CYP20A1: variants seen among roughly 807,000 people sequenced by gnomAD.
CYP20A1 encodes the protein cytochrome P450 family 20 subfamily A member 1, also known as cytochrome P450 20A1.
CYP20A1 carries 61 observed loss-of-function variants against 61.4 expected under a neutral mutation model. The ratio of observed to expected loss-of-function variants is 0.99; its 90% CI spans 0.81 to 1.23. The LOEUF is 1.23. Ranked by LOEUF, CYP20A1 falls within the 50% of genes most tolerant of loss-of-function variation. CYP20A1 has a pLI of 0.00. For synonymous variants in CYP20A1, 193 were observed against 188.2 expected, an observed-to-expected ratio of 1.03 and a Z score of -0.21; for missense variants, 530 against 542.4, an observed-to-expected ratio of 0.98 and a Z score of 0.23.
intron 6 of CYP20A1, among the ~76,000 whole-genome samples, chr2:203,276,181 T>G (rs1415495176): frequency 6.6e-6 from 1 of 152,130 alleles, no homozygotes; most frequent in Non-Finnish European, 1.5e-5. Flanking sequence ...CTGCTGTATT[T>G]GAAGTACAAC....
intron 4 of CYP20A1, among the ~76,000 whole-genome samples, chr2:203,258,005 G>GCTCAAGTACAGTGGCACAATT (rs1455916330): frequency 6.6e-6 from 1 of 151,752 alleles, no homozygotes; most frequent in African/African-American, 2.4e-5. Context: ...GGGCTGAAGG[G>GCTCAAGTACAGTGGCACAATT]ATCCTCCTGC....
At chr2:203,239,370 C>T (rs1026433880) in intron 1 of CYP20A1, among the ~76,000 whole-genome samples, 1 of 151,996 alleles carries the variant, frequency 6.6e-6, no homozygotes, top group Non-Finnish European at 1.5e-5. Context: ...GCCAGGCGGG[C>T]GTAGAGCTGC....
rs13388336 is a variant in CYP20A1 at position 203,272,762 on chromosome 2, C to T, written c.679+14C>T. The T allele has an allele frequency of 4.5e-6, 7 of 1,539,806 alleles. No homozygotes were observed. The highest frequency in any genetic ancestry group is 1.4e-5 in the African/African-American group (1 of 71,914). On this transcript the variant is annotated intron_variant, in intron 6 of 12. Coordinates refer to ENST00000356079, the MANE Select transcript of CYP20A1 (RefSeq NM_177538.3). ...AATATGAAGATGGTAAGTTTGGTCA[C>T]TTAATTTTTAGTGAGGACAAAAAAT... is the stretch of plus-strand genomic sequence containing the variant.
rs919517911 is a variant in CYP20A1, at chr2:203,305,931, G to T, written c.*9023G>T. ...CTCCATTAATAGAAGTGTTTAAGAG[G>T]ATGTTGTATGCCTGCCTTCCACTCA... is the stretch of plus-strand genomic sequence containing the variant. On this transcript the variant is annotated 3_prime_UTR_variant, in exon 13 of 13. Coordinates refer to ENST00000356079, the MANE Select transcript of CYP20A1 (RefSeq NM_177538.3). 6.6e-5 allele frequency among the ~76,000 whole-genome samples: 10 copies of T among 152,142 alleles called. No individual in the cohort carries two copies. The highest frequency in any genetic ancestry group is 5.2e-4 in the Admixed American group (8 of 15,260).
At position 203,280,657 on chromosome 2, in the gene CYP20A1, C is replaced by T. The variant is rs574025003; in HGVS notation, c.850+544C>T. ...TTGAAGCTGCAGTGAGTGATGGTCACACTATTGCATTCCAGCCTGGGCAAC... is the reference window on the plus strand; with the variant it reads ...TTGAAGCTGCAGTGAGTGATGGTCATACTATTGCATTCCAGCCTGGGCAAC... On this transcript the variant is annotated intron_variant, in intron 8 of 12. Coordinates refer to ENST00000356079, the MANE Select transcript of CYP20A1 (RefSeq NM_177538.3). Among the ~76,000 whole-genome samples, 7 of 152,342 alleles carry T rather than the reference C, an allele frequency of 4.6e-5. No individual in the cohort carries two copies. In the East Asian group the frequency reaches 1.2e-3, roughly 25 times the overall value.
At chr2:203,251,793 G>GTGTATATATATATATATATATATGTATA (rs1553513992) in intron 3 of CYP20A1, among the ~76,000 whole-genome samples, 174 bp from the exon 4 acceptor site, 23 of 64,206 alleles carry the variant, frequency 3.6e-4, no homozygotes, top group African/African-American at 8.6e-4. Flanking sequence ...ATATATATGT[G>GTGTATATATATATATATATATATGTATA]TATATATATA....
At chr2:203,290,137 C>T (rs2068474493) in intron 10 of CYP20A1, among the ~76,000 whole-genome samples, 3 of 152,068 alleles carry the variant, frequency 2.0e-5, no homozygotes, top group Admixed American at 2.0e-4. Flanking sequence ...GACGGGGTTT[C>T]ACCATCTTGG....
intron 11 of CYP20A1, among the ~76,000 whole-genome samples, chr2:203,295,452 CAT>C (rs1229811831): frequency 6.6e-6 from 1 of 152,076 alleles, no homozygotes; most frequent in Admixed American, 6.6e-5. Flanking sequence ...AATTTTAAGA[CAT>C]AAATTTCAGT....
intron 5 of CYP20A1, 100 bp downstream of exon 5, chr2:203,266,781 G>A: frequency 2.1e-6 from 2 of 955,086 alleles, no homozygotes; most frequent in East Asian, 2.5e-5. Context: ...AGGAGTTAAA[G>A]ACCAGCCTGC....
intron 5 of CYP20A1, among the ~76,000 whole-genome samples, chr2:203,269,279 AT>A (rs528970568): frequency 1.5e-3 from 189 of 125,280 alleles, no homozygotes; most frequent in Admixed American, 2.1e-3. Flanking sequence ...CCTGTCTCCA[AT>A]TTTTTTTTTT....
intron 9 of CYP20A1, among the ~76,000 whole-genome samples, chr2:203,289,373 T>C (rs1041535285): frequency 3.3e-5 from 5 of 152,146 alleles, no homozygotes; most frequent in Non-Finnish European, 7.4e-5. Flanking sequence ...GTAAACAAAA[T>C]GTTTCTCTAG....
intron 4 of CYP20A1, among the ~76,000 whole-genome samples, chr2:203,260,469 G>A (rs191989120): frequency 1.3e-4 from 19 of 151,994 alleles, no homozygotes; most frequent in Non-Finnish European, 1.5e-4. Context: ...TGATCCATCC[G>A]CTTCGGCCTC....
At position 203,298,563 on chromosome 2, in the gene CYP20A1, T is replaced by G. The variant is rs1284570373; in HGVS notation, c.*1655T>G. 1.4e-5 allele frequency among the ~76,000 whole-genome samples: 2 copies of G among 145,342 alleles called. No homozygotes were observed. Among genetic ancestry groups the G allele is most frequent in the Non-Finnish European group, 3.0e-5 (2 of 66,862 alleles). On this transcript the variant is annotated 3_prime_UTR_variant, in exon 13 of 13. Transcript: ENST00000356079. Reference sequence around the variant, plus strand: ...AAAAAAAAAAAAAATTAGCCAGATGTGGTGGTGCACATTTGTAATCCCAGC... The same window carrying G: ...AAAAAAAAAAAAAATTAGCCAGATGGGGTGGTGCACATTTGTAATCCCAGC...
At chr2:203,291,924 C>T (rs1222414410) in intron 10 of CYP20A1, among the ~76,000 whole-genome samples, 2 of 151,968 alleles carry the variant, frequency 1.3e-5, no homozygotes, top group East Asian at 1.9e-4. Context: ...TGAGAACATG[C>T]GGTGTTTGGT....
chr2:203,293,508 C>CTT (rs11408049), intron 11 of CYP20A1, among the ~76,000 whole-genome samples: 272 of 140,776 alleles, frequency 1.9e-3, no homozygotes, highest in Middle Eastern at 7.0e-3. Flanking sequence ...CGCCCGGCCT[C>CTT]TTTTTTTTTT....
intron 5 of CYP20A1, among the ~76,000 whole-genome samples, chr2:203,269,395 G>A (rs574743445): frequency 4.0e-5 from 6 of 149,202 alleles, no homozygotes; most frequent in Non-Finnish European, 8.9e-5. Context: ...TCACACCACC[G>A]CACTCCAGCC....
At chr2:203,283,025 A>C (rs2068106388) in intron 8 of CYP20A1, among the ~76,000 whole-genome samples, 1 of 151,950 alleles carries the variant, frequency 6.6e-6, no homozygotes, top group African/African-American at 2.4e-5. Flanking sequence ...AATAAATTGT[A>C]GTTAGCTGTG....
At chr2:203,280,222 C>A in intron 8 of CYP20A1, 109 bp downstream of exon 8, 3 of 782,278 alleles carry the variant, frequency 3.8e-6, no homozygotes, top group Non-Finnish European at 3.8e-6. Flanking sequence ...TGGGAGATTG[C>A]TTGAGGCCAG....
rs1436676624 is a variant in CYP20A1 at position 203,256,897 on chromosome 2, TC to T, written c.432+4791del. On this transcript the variant is annotated intron_variant, in intron 4 of 12. Transcript: ENST00000356079. ...TCTTTTTTCTCCTCTGAAACATTTT[TC>T]CCAGCCTTGCATGGCTAACTTCTAC... 1.1e-4 allele frequency among the ~76,000 whole-genome samples: 17 copies of T among 152,316 alleles called. No homozygotes were observed. In the East Asian group the frequency reaches 3.1e-3, roughly 28 times the overall value.
Sources: allele counts gnomAD v4.1 joint callset (sites outside exome capture counted in the v4.1 genomes callset), GRCh38; gene constraint gnomAD v4.1.1; transcripts MANE v1.5; gene names NCBI Gene and HGNC (gene_info 2026-07-23, HGNC 2026-07-21).